Variants in PAX3 observed in about 807,000 individuals in gnomAD.
The protein encoded by PAX3 is paired box protein Pax-3.
In PAX3, 14 loss-of-function variants were observed where a neutral mutation model predicts 51.6. That is an observed-to-expected ratio of 0.27 (90% CI 0.18 to 0.42). The LOEUF (loss-of-function observed/expected upper bound fraction) is 0.42, where lower values mean the gene tolerates loss of function less well. Ranked by LOEUF, PAX3 falls within the 10% of genes least tolerant of loss-of-function variation. The pLI, the probability that PAX3 is intolerant of heterozygous loss-of-function variation, is 1.00. For missense variants in PAX3, 540 were observed against 642.8 expected (o/e 0.84, Z 1.73); for synonymous variants, 280 against 253.4 (o/e 1.11, Z -1.00).
At chr2:222,204,575 G>T (rs1339060182) in intron 7 of PAX3, among the ~76,000 whole-genome samples, 1 of 152,120 alleles carries the variant, frequency 6.6e-6, no homozygotes, top group Non-Finnish European at 1.5e-5. Flanking sequence ...TTTCGTGTGT[G>T]ATCCTGATGG....
At chr2:222,225,538 A>T (rs1692352342) in intron 5 of PAX3, among the ~76,000 whole-genome samples, 1 of 152,190 alleles carries the variant, frequency 6.6e-6, no homozygotes, top group African/African-American at 2.4e-5. Context: ...TACAGTAAAG[A>T]TACAACAATA....
intron 7 of PAX3, among the ~76,000 whole-genome samples, chr2:222,207,116 C>G (rs905225231): frequency 6.6e-6 from 1 of 151,972 alleles, no homozygotes; most frequent in Non-Finnish European, 1.5e-5. Flanking sequence ...AATATATTTT[C>G]GGAACCAATC....
intron 4 of PAX3, among the ~76,000 whole-genome samples, chr2:222,269,782 T>C (rs1252897794): frequency 6.6e-6 from 1 of 152,126 alleles, no homozygotes; most frequent in Non-Finnish European, 1.5e-5. Context: ...CAGTTTGAAA[T>C]TGTGTGCCAT....
At chr2:222,263,015 G>A (rs1239547790) in intron 4 of PAX3, 1 of 152,136 alleles carries the variant, frequency 6.6e-6, no homozygotes. Flanking sequence ...TAAATGTAAA[G>A]TCTATATTTT....
intron 4 of PAX3, among the ~76,000 whole-genome samples, chr2:222,286,089 C>T (rs1280703811): frequency 1.3e-5 from 2 of 152,210 alleles, no homozygotes; most frequent in Non-Finnish European, 2.9e-5. Context: ...AGGCGTGTGC[C>T]ATCACACCCA....
intron 4 of PAX3, among the ~76,000 whole-genome samples, chr2:222,258,571 T>C (rs375279296): frequency 9.2e-5 from 14 of 152,156 alleles, no homozygotes; most frequent in Non-Finnish European, 1.8e-4. Context: ...ACCTGTTGTT[T>C]GATAATCACA....
intron 7 of PAX3, among the ~76,000 whole-genome samples, chr2:222,215,070 G>A (rs1217008509): frequency 6.6e-6 from 1 of 152,050 alleles, no homozygotes; most frequent in Non-Finnish European, 1.5e-5. Context: ...AAATTTATGG[G>A]CTCTGAGGTT....
chr2:222,248,797 T>A (rs1049292626), intron 4 of PAX3, among the ~76,000 whole-genome samples: 19 of 152,156 alleles, frequency 1.2e-4, no homozygotes, highest in African/African-American at 4.6e-4. Flanking sequence ...AAATTAGAGG[T>A]CATTTTAAGA....
chr2:222,295,852 G>A (rs1695267745), intron 2 of PAX3, among the ~76,000 whole-genome samples, 195 bp from the exon 3 acceptor site: 1 of 152,146 alleles, frequency 6.6e-6, no homozygotes, highest in Non-Finnish European at 1.5e-5. Flanking sequence ...TCCCATCCCG[G>A]AGCAGCCTGG....
At chr2:222,250,868 C>A (rs1693403234) in intron 4 of PAX3, among the ~76,000 whole-genome samples, 1 of 150,778 alleles carries the variant, frequency 6.6e-6, no homozygotes, top group African/African-American at 2.4e-5. Context: ...TTTCACTTAT[C>A]TCAGCAGTTC....
At chr2:222,249,590 G>A (rs1693349942) in intron 4 of PAX3, among the ~76,000 whole-genome samples, 1 of 151,860 alleles carries the variant, frequency 6.6e-6, no homozygotes, top group East Asian at 1.9e-4. Flanking sequence ...GATTTGGGAA[G>A]ATCCACTTTA....
intron 4 of PAX3, among the ~76,000 whole-genome samples, chr2:222,240,190 G>A (rs1692957174): frequency 6.6e-6 from 1 of 152,182 alleles, no homozygotes; most frequent in African/African-American, 2.4e-5. Flanking sequence ...GGGCAGTACA[G>A]GAGGGCCTGG....
chr2:222,201,140 T>C lies in PAX3; in HGVS notation c.*268A>G. The C allele has an allele frequency of 6.2e-7, 1 of 1,611,058 alleles. No homozygotes were observed. The highest frequency in any genetic ancestry group is 1.3e-5 in the African/African-American group (1 of 74,978). On this transcript the variant is annotated 3_prime_UTR_variant, in exon 9 of 9. Transcript: ENST00000392070. ...TGGGATGTTTTGATATGTAACCATG[T>C]GAAACCATTGCCTTAAAATGTTGCA...
At position 222,221,331 on chromosome 2, in the gene PAX3, C is replaced by G; in HGVS notation, c.849G>C (p.Leu283=). Residue 283 remains leucine (L), a synonymous_variant, in exon 6 of 9, where the codon CTG becomes CTC. Coordinates refer to ENST00000392070, the MANE Select transcript of PAX3 (RefSeq NM_181458.4). ...RWRKQAGANQ[L]MAFNHLIPGG... is the part of the protein sequence containing the mutation. ...CGGGAATGAGATGGTTGAAAGCCAT[C>G]AGTTGATTGGCCCCAGCTTGCTTCC... 6.2e-7 allele frequency: 1 copy of G among 1,614,058 alleles called. No homozygotes were observed. The highest frequency in any genetic ancestry group is 8.5e-7 in the Non-Finnish European group (1 of 1,179,908).
chr2:222,242,929 C>T (rs1186832325), intron 4 of PAX3, among the ~76,000 whole-genome samples: 2 of 152,172 alleles, frequency 1.3e-5, no homozygotes, highest in Non-Finnish European at 2.9e-5. Flanking sequence ...AATATTTTTG[C>T]TGTTGTGTGC....
At position 222,250,197 on chromosome 2, in the gene PAX3, C is replaced by G. The variant is rs1321240806; in HGVS notation, c.587-17914G>C. ...TCTTTACACTCACTAAGCCTCAGAA[C>G]ACAGCTGAAATAGTTTGTGAAATTC... On this transcript the variant is annotated intron_variant, in intron 4 of 8. Coordinates refer to ENST00000392070, the MANE Select transcript of PAX3 (RefSeq NM_181458.4). 3.3e-5 allele frequency among the ~76,000 whole-genome samples: 5 copies of G among 152,098 alleles called. No homozygotes were observed. In the East Asian group the frequency reaches 9.6e-4, roughly 29 times the overall value.
intron 4 of PAX3, among the ~76,000 whole-genome samples, chr2:222,290,949 G>T (rs891423971): frequency 6.6e-6 from 1 of 151,834 alleles, no homozygotes; most frequent in South Asian, 2.1e-4. Flanking sequence ...AGGAGAAGAA[G>T]GGGGGAGGCG....
chr2:222,283,274 G>A (rs1283291977), intron 4 of PAX3, among the ~76,000 whole-genome samples: 4 of 152,158 alleles, frequency 2.6e-5, no homozygotes, highest in Non-Finnish European at 5.9e-5. Context: ...AAATCAAGGT[G>A]CAGAAAAGTT....
intron 4 of PAX3, among the ~76,000 whole-genome samples, chr2:222,281,492 C>T (rs1410062537): frequency 6.6e-6 from 1 of 152,238 alleles, no homozygotes; most frequent in Non-Finnish European, 1.5e-5. Flanking sequence ...GCTCTGCCTG[C>T]CACTTCCCTT....
Sources: allele counts gnomAD v4.1 joint callset (sites outside exome capture counted in the v4.1 genomes callset), GRCh38; gene constraint gnomAD v4.1.1; transcripts MANE v1.5; gene names NCBI Gene and HGNC (gene_info 2026-07-23, HGNC 2026-07-21).